UBXN11: variants seen among roughly 807,000 people sequenced by gnomAD.
UBXN11 encodes UBX domain-containing protein 11.
UBXN11 carries 47 observed loss-of-function variants against 62.8 expected under a neutral mutation model. The observed-to-expected ratio is 0.75, with a 90% CI of 0.59 to 0.95. The LOEUF (loss-of-function observed/expected upper bound fraction) is 0.95, where lower values mean the gene tolerates loss of function less well. UBXN11 is among the 40% of genes least tolerant of loss of function. The pLI, the probability that UBXN11 is intolerant of heterozygous loss-of-function variation, is 0.00. For missense variants in UBXN11, 638 were observed against 661.7 expected (o/e 0.96, Z 0.39); for synonymous variants, 294 against 267.0 (o/e 1.10, Z -0.99).
chr1:26,306,843 G>GGGGGGGGT (rs2073683314), upstream of UBXN11: 1 of 98,288 alleles, frequency 1.0e-5, no homozygotes, highest in African/African-American at 4.7e-5. Flanking sequence ...GGGGGGGGGT[G>GGGGGGGGT]GTTCGTTCCT....
intron 8 of UBXN11, among the ~76,000 whole-genome samples, chr1:26,287,924 A>G (rs1557681614): frequency 6.8e-6 from 1 of 146,546 alleles, no homozygotes; most frequent in East Asian, 2.0e-4. Flanking sequence ...TTTTTTTCCG[A>G]GAAAGGGTCT....
rs115224657 is a variant in UBXN11 at position 26,304,406 on chromosome 1, C to T, written c.-35-1488G>A. ...AGAGATCTTAAAACATAAAGCAGGC[C>T]GGGAGCGGTGGCTCATGCCTATAAT... On this transcript the variant is annotated intron_variant, in intron 1 of 14. Coordinates refer to ENST00000374222, the MANE Select transcript of UBXN11 (RefSeq NM_001389556.1). Among the ~76,000 whole-genome samples the T allele has an allele frequency of 3.6e-3, 551 of 151,784 alleles. 5 individuals are homozygous for T. The highest frequency in any genetic ancestry group is 0.013 in the African/African-American group (538 of 41,458).
chr1:26,301,620 C>T (rs1039422753), intron 3 of UBXN11, 74 bp downstream of exon 3: 54 of 1,587,686 alleles, frequency 3.4e-5, no homozygotes, highest in Non-Finnish European at 4.4e-5. Flanking sequence ...CGTGTGATTT[C>T]TCTCCATCGG....
At chr1:26,301,816 G>C in intron 2 of UBXN11, 94 bp from the exon 3 acceptor site, 1 of 1,536,668 alleles carries the variant, frequency 6.5e-7, no homozygotes, top group South Asian at 1.2e-5. Flanking sequence ...TTCAGCCAAA[G>C]CTCAAAGAGA....
intron 8 of UBXN11, among the ~76,000 whole-genome samples, chr1:26,291,808 T>G (rs1046051002): frequency 2.0e-5 from 3 of 152,188 alleles, no homozygotes; most frequent in African/African-American, 7.2e-5. Flanking sequence ...CTGGGTTCAG[T>G]TAGAGCTTTG....
At position 26,313,043 on chromosome 1, in the gene UBXN11, G is replaced by A. The variant is rs146255595; in HGVS notation, c.-149+5004C>T. Among the ~76,000 whole-genome samples, 502 of 151,306 alleles carry A rather than the reference G, an allele frequency of 3.3e-3. 2 individuals carry two copies. Among genetic ancestry groups the A allele is most frequent in the Admixed American group, 6.0e-3 (91 of 15,160 alleles). On this transcript the variant is annotated intron_variant, in intron 1 of 14. Transcript: ENST00000374217. ...AAAGACTGAATGGATAGGTGGGTGCGTGGATAGGTGAATGAATGGGTGGAT... is the reference window on the plus strand; with the variant it reads ...AAAGACTGAATGGATAGGTGGGTGCATGGATAGGTGAATGAATGGGTGGAT...
intron 8 of UBXN11, among the ~76,000 whole-genome samples, chr1:26,287,906 CT>C (rs11307343): frequency 0.86 from 120,040 of 139,218 alleles, 52,576 homozygotes; most frequent in Non-Finnish European, 0.92. Flanking sequence ...TGCCTCAACC[CT>C]TTTTTTTTTT....
intron 12 of UBXN11, 77 bp from the exon 13 acceptor site, chr1:26,283,014 T>G: frequency 1.9e-6 from 3 of 1,584,988 alleles, no homozygotes; most frequent in Non-Finnish European, 2.6e-6. Context: ...GAGGGACACT[T>G]CCTTGACCAG....
Position 26,285,340 on chromosome 1 carries a change from A to T in UBXN11, c.852+124T>A. The T allele has an allele frequency of 2.0e-6, 3 of 1,525,046 alleles. No individual in the cohort carries two copies. The East Asian group carries it at 7.5e-5, about 38-fold the overall frequency. The allele number at this position is 1,525,046 out of a possible 1,614,324, so 94.5% of individuals were successfully genotyped here. A position where few individuals can be genotyped will look rare whatever the true frequency, so the allele number is the denominator to read the frequency against. On this transcript the variant is annotated intron_variant, in intron 10 of 14. Coordinates refer to ENST00000374222, the MANE Select transcript of UBXN11 (RefSeq NM_001389556.1). ...CTTCAGACTTATCCTCCTGGAGGGC[A>T]TCAGACTGGGGTCCCCCAGGGAGTG...
intron 1 of UBXN11, among the ~76,000 whole-genome samples, chr1:26,314,794 CA>C (rs1237838712): frequency 6.6e-6 from 1 of 152,322 alleles, no homozygotes; most frequent in East Asian, 1.9e-4. Context: ...GCCCTTCGAA[CA>C]TTTAGGAACT....
At chr1:26,293,438 A>C (rs1172334498) in intron 8 of UBXN11, among the ~76,000 whole-genome samples, 1 of 152,028 alleles carries the variant, frequency 6.6e-6, no homozygotes, top group Non-Finnish European at 1.5e-5. Context: ...TAAAAATAAG[A>C]CATGGTAGGC....
At chr1:26,298,433 G>C (rs1455162948) in intron 4 of UBXN11, among the ~76,000 whole-genome samples, 1 of 152,046 alleles carries the variant, frequency 6.6e-6, no homozygotes. Flanking sequence ...GCAGATAGAG[G>C]AGTGAGGCAA....
chr1:26,285,025 G>T, intron 10 of UBXN11: 1 of 1,004,464 alleles, frequency 1.0e-6, no homozygotes, highest in African/African-American at 1.7e-5. Flanking sequence ...CTCTGGTGGT[G>T]GCACCTACCC....
intron 3 of UBXN11, among the ~76,000 whole-genome samples, 168 bp downstream of exon 3, chr1:26,301,526 G>T (rs917145481): frequency 6.6e-6 from 1 of 152,144 alleles, no homozygotes; most frequent in African/African-American, 2.4e-5. Context: ...CTTCCAGGAG[G>T]GAAGCCCAGC....
intron 1 of UBXN11, among the ~76,000 whole-genome samples, chr1:26,313,355 C>T (rs974300553): frequency 6.6e-6 from 1 of 152,176 alleles, no homozygotes; most frequent in African/African-American, 2.4e-5. Flanking sequence ...CTGCAGGTCT[C>T]AGCACACACA....
At chr1:26,314,396 T>C (rs1261506567) in intron 1 of UBXN11, among the ~76,000 whole-genome samples, 2 of 152,218 alleles carry the variant, frequency 1.3e-5, no homozygotes, top group African/African-American at 4.8e-5. Flanking sequence ...CATTTGTAAG[T>C]ATGTGAAGAT....
chr1:26,296,138 A>G (rs2073385941), intron 7 of UBXN11, among the ~76,000 whole-genome samples: 1 of 152,228 alleles, frequency 6.6e-6, no homozygotes, highest in African/African-American at 2.4e-5. Flanking sequence ...GGCAGGGCCC[A>G]TGCGTGCCTG....
upstream of UBXN11, among the ~76,000 whole-genome samples, chr1:26,308,275 A>AAAAAAAG (rs1553165241): frequency 1.4e-5 from 2 of 141,228 alleles, no homozygotes; most frequent in Non-Finnish European, 3.0e-5. Context: ...CAAAAAAAAA[A>AAAAAAAG]AAAAGAAAAG....
At chr1:26,306,196 T>C (rs2073663621) in intron 1 of UBXN11, 1 of 152,240 alleles carries the variant, frequency 6.6e-6, no homozygotes, top group South Asian at 2.1e-4. Flanking sequence ...TAAGGCAGAG[T>C]TGTCACCCAC....
Sources: gnomAD v4.1 joint callset for allele counts (sites outside exome capture counted in the v4.1 genomes callset) on GRCh38, gnomAD v4.1.1 for gene constraint, MANE v1.5 for transcripts, NCBI Gene and HGNC (gene_info 2026-07-23, HGNC 2026-07-21) for gene names.